The following COL15A1 variants were observed in gnomAD, a reference collection of about 807,000 sequenced individuals.
The protein encoded by COL15A1 is collagen alpha-1(XV) chain.
Under a neutral mutation model 165.9 loss-of-function variants are expected in COL15A1, and 111 were observed. The observed-to-expected ratio is 0.67, with a 90% CI of 0.57 to 0.78. The LOEUF is 0.78. COL15A1 is among the 30% of genes least tolerant of loss of function. The pLI is 0.00. For missense variants in COL15A1, 1,745 were observed against 1,789.7 expected (o/e 0.98, Z 0.45); for synonymous variants, 659 against 674.8 (o/e 0.98, Z 0.36).
chr9:99,012,536 C>T lies in COL15A1; in HGVS notation c.1354-2881C>T, dbSNP rs571915886. ...ACTTAGGAACTTTATAGTTGCAGAT[C>T]GACTTTTGGGCTCTGAATTTTTCTT... On this transcript the variant is annotated intron_variant, in intron 9 of 41. Transcript: ENST00000375001. 3.9e-5 allele frequency among the ~76,000 whole-genome samples: 6 copies of T among 152,158 alleles called. No individual in the cohort carries two copies. The South Asian group carries it at 8.3e-4, about 21-fold the overall frequency.
chr9:98,989,069 T>C, intron 4 of COL15A1, 109 bp from the exon 5 acceptor site: 2 of 586,918 alleles, frequency 3.4e-6, no homozygotes. Context: ...CACACACGGT[T>C]TCCCTGTAGG....
At chr9:98,996,606 C>G (rs2118924054) in intron 5 of COL15A1, among the ~76,000 whole-genome samples, 1 of 152,348 alleles carries the variant, frequency 6.6e-6, no homozygotes, top group East Asian at 1.9e-4. Flanking sequence ...CAATCATTCC[C>G]TCCTCTAACA....
chr9:98,956,361 T>C (rs991548289), intron 2 of COL15A1, among the ~76,000 whole-genome samples: 2 of 152,110 alleles, frequency 1.3e-5, no homozygotes, highest in East Asian at 1.9e-4. Context: ...AACAGTATGA[T>C]CTGTGCTAAT....
intron 1 of COL15A1, 38 bp from the exon 2 acceptor site, chr9:98,944,124 G>GC: frequency 6.2e-7 from 1 of 1,614,056 alleles, no homozygotes; most frequent in Non-Finnish European, 8.5e-7. Flanking sequence ...CAATACTCTT[G>GC]CCCGCCTCAC....
At chr9:99,040,594 T>C (rs753262184) in intron 23 of COL15A1, 38 bp downstream of exon 23, 1 of 1,614,224 alleles carries the variant, frequency 6.2e-7, no homozygotes, top group Non-Finnish European at 8.5e-7. Flanking sequence ...CTGTGCCCCG[T>C]GGCTGCGATC....
Position 98,997,092 on chromosome 9 carries a change from A to G in COL15A1, c.952+11A>G. ...GCAGCCCCAAACAAGGCAAGTCCGGATGCACATGCCTACGTAGTGGCCTTT... is the reference window on the plus strand; with the variant it reads ...GCAGCCCCAAACAAGGCAAGTCCGGGTGCACATGCCTACGTAGTGGCCTTT... On this transcript the variant is annotated intron_variant, in intron 6 of 41. Transcript: ENST00000375001. The G allele has an allele frequency of 6.2e-7, 1 of 1,614,144 alleles. No individual in the cohort carries two copies. The highest frequency in any genetic ancestry group is 8.5e-7 in the Non-Finnish European group (1 of 1,179,984).
At chr9:99,036,534 C>A in intron 21 of COL15A1, 138 bp downstream of exon 21, 1 of 736,602 alleles carries the variant, frequency 1.4e-6, no homozygotes, top group Non-Finnish European at 2.2e-6. Flanking sequence ...CTTCCACCTG[C>A]CAGCACCTAC....
At chr9:99,048,828 A>G (rs1022216995) in intron 28 of COL15A1, among the ~76,000 whole-genome samples, 1 of 151,806 alleles carries the variant, frequency 6.6e-6, no homozygotes, top group African/African-American at 2.4e-5. Flanking sequence ...TTTACATAAG[A>G]GGATACCAGG....
intron 2 of COL15A1, among the ~76,000 whole-genome samples, chr9:98,966,138 T>G: frequency 6.6e-6 from 1 of 152,114 alleles, no homozygotes; most frequent in Non-Finnish European, 1.5e-5. Flanking sequence ...CATTCTCCCC[T>G]AGGGAGATGT....
chr9:99,000,629 G>A (rs1588509214), intron 6 of COL15A1, among the ~76,000 whole-genome samples: 1 of 152,190 alleles, frequency 6.6e-6, no homozygotes, highest in East Asian at 1.9e-4. Flanking sequence ...GGCAGAAGTT[G>A]AGCGACTTGC....
Position 99,023,297 on chromosome 9 carries a change from G to A in COL15A1, c.1762-60G>A, listed in dbSNP as rs1336961512. 14 of 1,530,362 alleles carry A rather than the reference G, an allele frequency of 9.1e-6. 1 individual carries two copies. The highest frequency in any genetic ancestry group is 3.8e-5 in the South Asian group (3 of 79,988). The allele number at this position is 1,530,362 out of a possible 1,614,324, so 94.8% of individuals were successfully genotyped here. The stretch of plus-strand genomic sequence containing the variant: ...CCCATTTTGGAGAAAACTCAGTGAC[G>A]TGGCTGTCCTTGGAGTCTGGCAGTT... On this transcript the variant is annotated intron_variant, in intron 13 of 41. Coordinates refer to ENST00000375001, the MANE Select transcript of COL15A1 (RefSeq NM_001855.5).
At chr9:98,960,263 G>A (rs1430232084) in intron 2 of COL15A1, among the ~76,000 whole-genome samples, 3 of 152,058 alleles carry the variant, frequency 2.0e-5, no homozygotes, top group Non-Finnish European at 4.4e-5. Context: ...AGCATGATGT[G>A]GTGACATGTG....
Position 99,000,897 on chromosome 9 carries a change from C to T in COL15A1, c.1011C>T (p.Pro337=), listed in dbSNP as rs781344135. 6.2e-7 allele frequency: 1 copy of T among 1,607,018 alleles called. No homozygotes were observed. The highest frequency in any genetic ancestry group is 1.1e-5 in the South Asian group (1 of 90,888). The part of the protein sequence containing the change: ...LEGVHSVDGD[P]ITDSGSGAGA... ...GGGTTCATTCTGTGGATGGTGACCC[C>T]ATTACTGACAGCGGCTCAGGGGCTG... Residue 337 remains proline (P), a synonymous_variant, in exon 7 of 42, where the codon CCC becomes CCT. Transcript: ENST00000375001.
chr9:98,984,025 A>C (rs757976931), intron 2 of COL15A1, among the ~76,000 whole-genome samples: 1 of 152,250 alleles, frequency 6.6e-6, no homozygotes, highest in Non-Finnish European at 1.5e-5. Flanking sequence ...TTAGGTTCTC[A>C]GTGGCCTCTG....
chr9:99,064,586 G>A (rs1825866238), intron 39 of COL15A1, among the ~76,000 whole-genome samples: 1 of 152,134 alleles, frequency 6.6e-6, no homozygotes, highest in Admixed American at 6.5e-5. Flanking sequence ...AGACTATGAG[G>A]AGCAAAACTG....
Position 99,003,445 on chromosome 9 carries a change from GT to G in COL15A1, c.1066-4del. 1 of 1,490,216 alleles carries G rather than the reference GT, an allele frequency of 6.7e-7. No individual in the cohort carries two copies. The highest frequency in any genetic ancestry group is 9.0e-7 in the Non-Finnish European group (1 of 1,115,070). 92.3% of individuals were successfully genotyped at this position (1,490,216 alleles called of 1,614,324 possible). Reference sequence around the variant, plus strand: ...AGACATGGTCTCTTGTGATGCCTTTGTTTTCAGAATTTAGCAGCAACAGCAG... The same window carrying G: ...AGACATGGTCTCTTGTGATGCCTTTGTTTCAGAATTTAGCAGCAACAGCAG... On this transcript the variant is annotated splice_polypyrimidine_tract_variant and splice_region_variant and intron_variant, in intron 7 of 41. Transcript: ENST00000375001.
intron 11 of COL15A1, 135 bp from the exon 12 acceptor site, chr9:99,020,254 C>T: frequency 1.5e-6 from 1 of 675,678 alleles, no homozygotes; most frequent in Non-Finnish European, 2.7e-6. Flanking sequence ...TCATGGGGCT[C>T]ACTGACTTCA....
chr9:99,014,825 G>A (rs1479414792), intron 9 of COL15A1, among the ~76,000 whole-genome samples: 1 of 152,172 alleles, frequency 6.6e-6, no homozygotes, highest in Non-Finnish European at 1.5e-5. Context: ...AGAAATGCAG[G>A]ACAACTCAAA....
At chr9:98,980,710 G>A (rs931954749) in intron 2 of COL15A1, among the ~76,000 whole-genome samples, 5 of 152,206 alleles carry the variant, frequency 3.3e-5, no homozygotes, top group African/African-American at 1.2e-4. Context: ...TCGAGGAGGG[G>A]TTAATCGTTT....
Sources: allele counts gnomAD v4.1 joint callset (sites outside exome capture counted in the v4.1 genomes callset), GRCh38; gene constraint gnomAD v4.1.1; transcripts MANE v1.5; gene names NCBI Gene and HGNC (gene_info 2026-07-23, HGNC 2026-07-21).